CNGB3: variants seen among roughly 807,000 people sequenced by gnomAD.
CNGB3 encodes the protein cyclic nucleotide-gated channel beta-3.
In CNGB3, 86 loss-of-function variants were observed where a neutral mutation model predicts 92.8. The observed-to-expected ratio is 0.93, with a 90% CI of 0.78 to 1.11. The LOEUF is 1.11. Ranked by LOEUF, CNGB3 falls within the 50% of genes least tolerant of loss-of-function variation. The probability of loss-of-function intolerance (pLI) is 0.00; values close to 1 mark genes in which losing one functional copy is unlikely to be tolerated. For missense variants in CNGB3, 1,026 were observed against 956.8 expected (o/e 1.07, Z -0.95); for synonymous variants, 333 against 332.7 (o/e 1.00, Z -0.01).
intron 3 of CNGB3, among the ~76,000 whole-genome samples, chr8:86,681,628 G>A (rs1824083752): frequency 6.6e-6 from 1 of 152,162 alleles, no homozygotes; most frequent in Admixed American, 6.6e-5. Flanking sequence ...CCAGCGGTGA[G>A]TGAAATGAAT....
At position 86,694,404 on chromosome 8, in the gene CNGB3, C is replaced by T. The variant is rs1361774655; in HGVS notation, c.339-23306G>A. Among the ~76,000 whole-genome samples, 1,051 of 150,866 alleles carry T rather than the reference C, an allele frequency of 7.0e-3. 13 individuals are homozygous for T. Among genetic ancestry groups the T allele is most frequent in the African/African-American group, 0.024 (969 of 41,002 alleles). ...GGGTGGCTGGCCTGGCGGGGGCTGA[C>T]CCCCACCTCCCTCCCGGACGGGGTG... On this transcript the variant is annotated intron_variant, in intron 3 of 17. Coordinates refer to ENST00000320005, the MANE Select transcript of CNGB3 (RefSeq NM_019098.5).
intron 2 of CNGB3, among the ~76,000 whole-genome samples, chr8:86,734,546 T>C (rs1009536802): frequency 2.4e-4 from 36 of 152,178 alleles, no homozygotes; most frequent in African/African-American, 7.0e-4. Context: ...ACCACGTGGT[T>C]GGTTAGAGGT....
intron 3 of CNGB3, among the ~76,000 whole-genome samples, chr8:86,673,888 C>T (rs1823913732): frequency 6.6e-6 from 1 of 152,114 alleles, no homozygotes; most frequent in Non-Finnish European, 1.5e-5. Context: ...AAATACAGTT[C>T]TGACAATAAG....
chr8:86,605,027 G>T (rs7016667), intron 14 of CNGB3, among the ~76,000 whole-genome samples: 6 of 152,032 alleles, frequency 3.9e-5, no homozygotes, highest in Non-Finnish European at 8.8e-5. Flanking sequence ...AGCTTCCACC[G>T]GTGGAGATAT....
intron 2 of CNGB3, among the ~76,000 whole-genome samples, chr8:86,730,879 G>C (rs558238061): frequency 6.6e-6 from 1 of 152,158 alleles, no homozygotes; most frequent in East Asian, 1.9e-4. Flanking sequence ...TCTGAAAGAG[G>C]GTTTTAAAAT....
At position 86,668,150 on chromosome 8, in the gene CNGB3, G is replaced by A; in HGVS notation, c.512C>T (p.Pro171Leu). Reference protein sequence around the residue: ...SPQTAKPTAVPPVKESDDKPT... With the variant: ...SPQTAKPTAVLPVKESDDKPT... ...CTTATCATCGCTTTCTTTTACTGGT[G>A]GTACAGCCGTGGGCTTTGCTTCATA... The change falls in exon 5 of 18, where the codon CCA (proline) becomes CTA (leucine). Residue 171 changes from proline (P) to leucine (L), a missense_variant. Pro to Leu is a moderately conservative substitution (Grantham distance 98). Coordinates refer to ENST00000320005, the MANE Select transcript of CNGB3 (RefSeq NM_019098.5). 6.2e-7 allele frequency: 1 copy of A among 1,613,326 alleles called. No individual in the cohort carries two copies. Among genetic ancestry groups the A allele is most frequent in the Non-Finnish European group, 8.5e-7 (1 of 1,179,898 alleles).
At position 86,611,612 on chromosome 8, in the gene CNGB3, C is replaced by T. The variant is rs897554395; in HGVS notation, c.1638G>A (p.Leu546=). ...MLLRLKSVLY[L]PGDFVCKKGE... ...CCTTTTTGCAGACAAAGTCACCAGGCAAATAGAGAACGGATTTCAATCTTA... is the reference window on the plus strand; with the variant it reads ...CCTTTTTGCAGACAAAGTCACCAGGTAAATAGAGAACGGATTTCAATCTTA... The change falls in exon 14 of 18, where the codon TTG becomes TTA. Residue 546 remains leucine, a synonymous_variant. Transcript: ENST00000320005. 4.3e-6 allele frequency: 7 copies of T among 1,613,280 alleles called. No individual in the cohort carries two copies. The highest frequency in any genetic ancestry group is 5.1e-6 in the Non-Finnish European group (6 of 1,179,480).
chr8:86,615,105 A>G (rs1321892408), intron 13 of CNGB3, among the ~76,000 whole-genome samples: 3 of 152,228 alleles, frequency 2.0e-5, no homozygotes, highest in African/African-American at 7.2e-5. Context: ...GTTAAAGTAT[A>G]CAGGAGGATG....
intron 3 of CNGB3, among the ~76,000 whole-genome samples, chr8:86,712,374 G>A (rs1350657597): frequency 1.3e-5 from 2 of 151,836 alleles, no homozygotes; most frequent in Non-Finnish European, 2.9e-5. Context: ...TACATTTCTA[G>A]GCTGTAGAAG....
chr8:86,692,464 T>C (rs1824338552), intron 3 of CNGB3, among the ~76,000 whole-genome samples: 1 of 152,242 alleles, frequency 6.6e-6, no homozygotes, highest in South Asian at 2.1e-4. Context: ...ACTAATCCTT[T>C]TATTATTATA....
At chr8:86,586,704 T>C (rs1185519450) in intron 15 of CNGB3, among the ~76,000 whole-genome samples, 1 of 151,112 alleles carries the variant, frequency 6.6e-6, no homozygotes, top group Non-Finnish European at 1.5e-5. Context: ...CCATGGTGTA[T>C]ATGTGCCATA....
intron 2 of CNGB3, among the ~76,000 whole-genome samples, chr8:86,738,621 C>A (rs1204472297): frequency 6.6e-6 from 1 of 152,034 alleles, no homozygotes; most frequent in Admixed American, 6.6e-5. Flanking sequence ...GGGAGGATCA[C>A]GAGGTCAGGA....
At chr8:86,634,158 G>A (rs1823018474) in intron 10 of CNGB3, among the ~76,000 whole-genome samples, 1 of 152,146 alleles carries the variant, frequency 6.6e-6, no homozygotes. Flanking sequence ...ACTATGGTTT[G>A]ATTTTATGAT....
chr8:86,640,010 A>G (rs943977814), intron 10 of CNGB3, among the ~76,000 whole-genome samples: 1 of 152,084 alleles, frequency 6.6e-6, no homozygotes, highest in Non-Finnish European at 1.5e-5. Flanking sequence ...TGAGTGATTA[A>G]GAAAAATGGG....
At chr8:86,583,531 G>A (rs946450693) in intron 15 of CNGB3, among the ~76,000 whole-genome samples, 2 of 152,154 alleles carry the variant, frequency 1.3e-5, no homozygotes, top group Non-Finnish European at 2.9e-5. Context: ...AAAAAAGTGG[G>A]AGGAAACTGG....
intron 3 of CNGB3, among the ~76,000 whole-genome samples, chr8:86,700,590 C>A (rs977083913): frequency 6.6e-6 from 1 of 152,170 alleles, no homozygotes; most frequent in African/African-American, 2.4e-5. Context: ...GAATCAAAAC[C>A]AGTGGACTGA....
chr8:86,729,405 T>G (rs943854479), intron 2 of CNGB3, among the ~76,000 whole-genome samples: 2 of 152,260 alleles, frequency 1.3e-5, no homozygotes, highest in African/African-American at 4.8e-5. Context: ...ATAAAATTAA[T>G]TCTAGGTAGA....
chr8:86,589,493 T>A (rs544616605), intron 15 of CNGB3, among the ~76,000 whole-genome samples: 1 of 152,236 alleles, frequency 6.6e-6, no homozygotes, highest in East Asian at 1.9e-4. Flanking sequence ...TAAATTTCCC[T>A]CTACACACTG....
intron 13 of CNGB3, among the ~76,000 whole-genome samples, chr8:86,620,987 A>G (rs1455634922): frequency 1.3e-5 from 2 of 152,226 alleles, no homozygotes; most frequent in Admixed American, 1.3e-4. Context: ...AATGTCAGGA[A>G]AGAATGAATC....
Sources: allele counts gnomAD v4.1 joint callset (sites outside exome capture counted in the v4.1 genomes callset), GRCh38; gene constraint gnomAD v4.1.1; transcripts MANE v1.5; gene names NCBI Gene and HGNC (gene_info 2026-07-23, HGNC 2026-07-21).